SUGCT: variants seen among roughly 807,000 people sequenced by gnomAD.
SUGCT encodes the protein succinyl-CoA:glutarate-CoA transferase.
In SUGCT, 41 loss-of-function variants were observed where a neutral mutation model predicts 55.0. That is an observed-to-expected ratio of 0.74 (90% CI 0.58 to 0.97). The LOEUF (loss-of-function observed/expected upper bound fraction) is 0.97. Ranked by LOEUF, SUGCT falls within the 50% of genes least tolerant of loss-of-function variation. The pLI is 0.00. For synonymous variants in SUGCT, 187 were observed against 200.4 expected (o/e 0.93, Z 0.56); for missense variants, 568 against 547.8 (o/e 1.04, Z -0.37).
At chr7:40,825,145 A>C (rs950554913) in intron 13 of SUGCT, among the ~76,000 whole-genome samples, 6 of 152,248 alleles carry the variant, frequency 3.9e-5, no homozygotes, top group African/African-American at 9.6e-5. Flanking sequence ...AGTAGTATAC[A>C]CAACCTTCAC....
chr7:40,177,401 C>T (rs893508557), intron 1 of SUGCT, among the ~76,000 whole-genome samples: 4 of 138,054 alleles, frequency 2.9e-5, no homozygotes, highest in East Asian at 5.1e-4. Flanking sequence ...GCAGCGCTGG[C>T]GGCCCTCTAA....
At chr7:40,671,015 T>A (rs1801912619) in intron 12 of SUGCT, among the ~76,000 whole-genome samples, 1 of 152,178 alleles carries the variant, frequency 6.6e-6, no homozygotes, top group Non-Finnish European at 1.5e-5. Flanking sequence ...GCAAATGGAA[T>A]TTGGCAATAT....
the SUGCT span, among the ~76,000 whole-genome samples, chr7:40,948,214 C>A: frequency 6.6e-6 from 1 of 152,138 alleles, no homozygotes; most frequent in Non-Finnish European, 1.5e-5. Context: ...TTTGTTATAG[C>A]CATGCCATTC....
chr7:40,947,316 T>C, the SUGCT span, among the ~76,000 whole-genome samples: 1 of 152,196 alleles, frequency 6.6e-6, no homozygotes, highest in South Asian at 2.1e-4. Flanking sequence ...TCTATTTCTA[T>C]TGACATTCTC....
At chr7:40,226,783 A>G (rs539021522) in intron 6 of SUGCT, among the ~76,000 whole-genome samples, 1 of 152,110 alleles carries the variant, frequency 6.6e-6, no homozygotes, top group East Asian at 1.9e-4. Flanking sequence ...GTACTTTTAG[A>G]CATACAAAAT....
At chr7:40,770,309 C>T (rs1056074046) in intron 13 of SUGCT, among the ~76,000 whole-genome samples, 1 of 152,158 alleles carries the variant, frequency 6.6e-6, no homozygotes, top group Non-Finnish European at 1.5e-5. Flanking sequence ...TCCTCTCTCC[C>T]ATGATAGTCT....
At chr7:40,888,770 T>C in the SUGCT span, among the ~76,000 whole-genome samples, 3 of 152,064 alleles carry the variant, frequency 2.0e-5, no homozygotes, top group Non-Finnish European at 4.4e-5. Context: ...GGCCAAAGGA[T>C]TACAGGTGGA....
intron 13 of SUGCT, among the ~76,000 whole-genome samples, chr7:40,857,671 T>G (rs1192338430): frequency 1.3e-5 from 2 of 152,092 alleles, no homozygotes; most frequent in Non-Finnish European, 2.9e-5. Context: ...GTCCAGGCGC[T>G]TAGTACTGAT....
chr7:40,661,591 AT>A (rs1322767682), intron 12 of SUGCT, among the ~76,000 whole-genome samples: 1 of 152,100 alleles, frequency 6.6e-6, no homozygotes, highest in East Asian at 1.9e-4. Context: ...TTCCCCTCTC[AT>A]TTCTTTTTCA....
At chr7:40,790,057 A>T (rs1172906797) in intron 13 of SUGCT, among the ~76,000 whole-genome samples, 2 of 152,244 alleles carry the variant, frequency 1.3e-5, no homozygotes, top group Non-Finnish European at 2.9e-5. Flanking sequence ...TTCTATATCA[A>T]TGAATTTTCA....
At chr7:41,004,665 G>GT in the SUGCT span, among the ~76,000 whole-genome samples, 1 of 152,340 alleles carries the variant, frequency 6.6e-6, no homozygotes, top group South Asian at 2.1e-4. Context: ...AGGGACATCA[G>GT]TAAGTTGCAA....
At chr7:40,160,912 A>T (rs1784111227) in intron 1 of SUGCT, among the ~76,000 whole-genome samples, 1 of 152,166 alleles carries the variant, frequency 6.6e-6, no homozygotes, top group Admixed American at 6.6e-5. Flanking sequence ...TTCATAGCAT[A>T]CTGATATATA....
At chr7:40,936,748 CTT>C in the SUGCT span, among the ~76,000 whole-genome samples, 13 of 151,816 alleles carry the variant, frequency 8.6e-5, no homozygotes, top group African/African-American at 3.1e-4. Flanking sequence ...AAATCTCTCT[CTT>C]AATTACTTCT....
At chr7:40,793,862 C>T (rs1164445735) in intron 13 of SUGCT, among the ~76,000 whole-genome samples, 1 of 152,076 alleles carries the variant, frequency 6.6e-6, no homozygotes, top group Non-Finnish European at 1.5e-5. Flanking sequence ...TGGCAGTTCA[C>T]TTAATGTCTC....
At chr7:40,162,281 G>A (rs1784205558) in intron 1 of SUGCT, among the ~76,000 whole-genome samples, 1 of 152,154 alleles carries the variant, frequency 6.6e-6, no homozygotes, top group Admixed American at 6.6e-5. Context: ...CATCGCTTAT[G>A]TAAATTTTAT....
At chr7:40,558,800 A>G (rs1795689095) in intron 12 of SUGCT, among the ~76,000 whole-genome samples, 1 of 152,208 alleles carries the variant, frequency 6.6e-6, no homozygotes, top group Non-Finnish European at 1.5e-5. Context: ...AGTTTTAAAA[A>G]ACATTAATTC....
chr7:40,198,818 G>A (rs546933172), intron 6 of SUGCT, among the ~76,000 whole-genome samples: 14 of 151,208 alleles, frequency 9.3e-5, no homozygotes, highest in Non-Finnish European at 1.6e-4. Context: ...CCAACATGAC[G>A]AAACCCCGTC....
chr7:40,537,946 A>G (rs990094476), intron 12 of SUGCT, among the ~76,000 whole-genome samples: 2 of 152,170 alleles, frequency 1.3e-5, no homozygotes, highest in African/African-American at 2.4e-5. Context: ...ACCCTATTGC[A>G]TATATCTGAT....
intron 6 of SUGCT, among the ~76,000 whole-genome samples, chr7:40,214,267 A>G (rs1297868238): frequency 2.6e-5 from 4 of 152,206 alleles, no homozygotes; most frequent in African/African-American, 9.7e-5. Flanking sequence ...AAACAAAAAA[A>G]TTACTGTCCT....
Sources: gnomAD v4.1 joint callset for allele counts (sites outside exome capture counted in the v4.1 genomes callset) on GRCh38, gnomAD v4.1.1 for gene constraint, MANE v1.5 for transcripts, NCBI Gene and HGNC (gene_info 2026-07-23, HGNC 2026-07-21) for gene names.